SLC17A5: variants seen among roughly 807,000 people sequenced by gnomAD.
SLC17A5 encodes the protein solute carrier family 17 member 5.
SLC17A5 carries 47 observed loss-of-function variants against 59.4 expected under a neutral mutation model. The observed-to-expected ratio is 0.79, with a 90% CI of 0.63 to 1.01. SLC17A5 has a LOEUF of 1.01. SLC17A5 is among the 50% of genes least tolerant of loss of function. SLC17A5 has a pLI of 0.00. For synonymous variants in SLC17A5, 202 were observed against 210.7 expected, an observed-to-expected ratio of 0.96 and a Z score of 0.36; for missense variants, 522 against 595.5, an observed-to-expected ratio of 0.88 and a Z score of 1.28.
chr6:73,627,361 G>A (rs559439719), intron 6 of SLC17A5, among the ~76,000 whole-genome samples: 5 of 152,084 alleles, frequency 3.3e-5, no homozygotes, highest in South Asian at 4.2e-4. Flanking sequence ...AGGTGTGAGC[G>A]ACCGTGCCTG....
intron 8 of SLC17A5, 98 bp downstream of exon 8, chr6:73,615,217 G>A: frequency 7.5e-7 from 1 of 1,325,398 alleles, no homozygotes; most frequent in East Asian, 2.3e-5. Flanking sequence ...TGTTAACTGT[G>A]TGTAAAAGTG....
rs548140079 is a variant in SLC17A5 at position 73,652,922 on chromosome 6, G to C, written c.94+871C>G. 218 of 464,338 alleles carry C rather than the reference G, an allele frequency of 4.7e-4. 3 individuals carry two copies. The highest frequency in any genetic ancestry group is 4.4e-3 in the African/African-American group (207 of 47,188). The allele number at this position is 464,338 out of a possible 1,614,324, so 28.8% of individuals were successfully genotyped here. On this transcript the variant is annotated intron_variant, in intron 1 of 10. Coordinates refer to ENST00000355773, the MANE Select transcript of SLC17A5 (RefSeq NM_012434.5). The stretch of plus-strand genomic sequence containing the variant: ...TGCATTCAAACTGATTTGTTCTTTA[G>C]TTTTCGTTACTTTTAAATAAACTAT...
At chr6:73,615,193 T>G (rs1270768372) in intron 8 of SLC17A5, 122 bp downstream of exon 8, 1 of 1,114,458 alleles carries the variant, frequency 9.0e-7, no homozygotes, top group African/African-American at 1.5e-5. Flanking sequence ...CGAGGTGTTC[T>G]GTGTTGAGTA....
At chr6:73,644,378 A>G in intron 2 of SLC17A5, 29 bp downstream of exon 2, 1 of 1,558,804 alleles carries the variant, frequency 6.4e-7, no homozygotes, top group Non-Finnish European at 8.8e-7. Context: ...AGGATAATTA[A>G]AATTGTTTCC....
At chr6:73,596,250 G>C (rs144578132) in intron 10 of SLC17A5, among the ~76,000 whole-genome samples, 2 of 152,106 alleles carry the variant, frequency 1.3e-5, no homozygotes, top group Non-Finnish European at 2.9e-5. Context: ...GCCTGTGCAC[G>C]GTCTCCTGGG....
Position 73,648,017 on chromosome 6 carries a change from C to T in SLC17A5, c.95-3414G>A, listed in dbSNP as rs183118551. ...CTGGGAGGTGGAGGTTGCAGTGAGCCGAGATCACGCCATCGCACTCCAGCC... is the reference window on the plus strand; with the variant it reads ...CTGGGAGGTGGAGGTTGCAGTGAGCTGAGATCACGCCATCGCACTCCAGCC... On this transcript the variant is annotated intron_variant, in intron 1 of 10. Coordinates refer to ENST00000355773, the MANE Select transcript of SLC17A5 (RefSeq NM_012434.5). Among the ~76,000 whole-genome samples, 4 of 151,864 alleles carry T rather than the reference C, an allele frequency of 2.6e-5. No individual in the cohort carries two copies. In the South Asian group the frequency reaches 6.2e-4, roughly 24 times the overall value.
At chr6:73,615,882 T>TTTTTG (rs201213805) in intron 7 of SLC17A5, among the ~76,000 whole-genome samples, 5,642 of 121,892 alleles carry the variant, frequency 0.046, 230 homozygotes, top group Admixed American at 0.12. Context: ...GAATCATTCT[T>TTTTTG]TTTTTTTTTT....
At chr6:73,630,359 C>T (rs967385609) in intron 6 of SLC17A5, among the ~76,000 whole-genome samples, 4 of 152,114 alleles carry the variant, frequency 2.6e-5, no homozygotes, top group Admixed American at 2.6e-4. Flanking sequence ...TTGTAAAATC[C>T]ACTTATTGTA....
At chr6:73,618,183 C>T (rs567226671) in intron 7 of SLC17A5, among the ~76,000 whole-genome samples, 66 of 150,424 alleles carry the variant, frequency 4.4e-4, no homozygotes, top group African/African-American at 1.4e-3. Flanking sequence ...GAGCTGAGGT[C>T]GTACCACTGA....
At chr6:73,602,283 C>A (rs564353256) in intron 9 of SLC17A5, among the ~76,000 whole-genome samples, 2 of 147,234 alleles carry the variant, frequency 1.4e-5, no homozygotes, top group Admixed American at 6.8e-5. Context: ...TCTCAAGTAC[C>A]CAGGGACACA....
chr6:73,635,911 T>G (rs1768971244), intron 5 of SLC17A5, among the ~76,000 whole-genome samples: 1 of 152,032 alleles, frequency 6.6e-6, no homozygotes, highest in Non-Finnish European at 1.5e-5. Flanking sequence ...TGGCTAATTT[T>G]TGTATTTTGA....
At chr6:73,632,291 C>CAAAA (rs71000140) in intron 6 of SLC17A5, among the ~76,000 whole-genome samples, 13 of 63,702 alleles carry the variant, frequency 2.0e-4, no homozygotes, top group African/African-American at 5.4e-4. Context: ...GAGCTAGACT[C>CAAAA]AAAAAAAAAA....
chr6:73,653,803 C>T lies in SLC17A5; in HGVS notation c.84G>A (p.Arg28=). ...DRTPLLPGAP[R]AEAAPVCCSA... ...GACCCCGCCGCTTACCGGCTTCGGC[C>T]CGTGGGGCGCCCGGTAGAAGAGGCG... The change falls in exon 1 of 11, where the codon CGG becomes CGA. Residue 28 remains arginine (R), a synonymous_variant. Coordinates refer to ENST00000355773, the MANE Select transcript of SLC17A5 (RefSeq NM_012434.5). The T allele has an allele frequency of 6.3e-7, 1 of 1,593,086 alleles. No individual in the cohort carries two copies. Among genetic ancestry groups the T allele is most frequent in the East Asian group, 2.3e-5 (1 of 43,730 alleles).
At chr6:73,623,993 G>A (rs1483493556) in intron 6 of SLC17A5, among the ~76,000 whole-genome samples, 1 of 151,918 alleles carries the variant, frequency 6.6e-6, no homozygotes, top group Non-Finnish European at 1.5e-5. Flanking sequence ...CACCGTACCC[G>A]GCTGAGCTGC....
Position 73,641,691 on chromosome 6 carries a change from C to T in SLC17A5, c.525G>A (p.Glu175=). ...IVLRALEGLG[E]GVTFPAMHAM... ...AAAACAAGAGAGAAAAGAAAATTAC[C>T]TCTCCTAGTCCTTCTAGTGCTCTGA... The change falls in exon 3 of 11, where the codon GAG becomes GAA. Residue 175 remains glutamate (E), a splice_region_variant and synonymous_variant. Transcript: ENST00000355773. 2 of 1,588,380 alleles carry T rather than the reference C, an allele frequency of 1.3e-6. No individual in the cohort carries two copies. The highest frequency in any genetic ancestry group is 1.7e-6 in the Non-Finnish European group (2 of 1,164,008).
chr6:73,644,923 A>C (rs1311544876), intron 1 of SLC17A5, among the ~76,000 whole-genome samples: 7 of 152,226 alleles, frequency 4.6e-5, no homozygotes, highest in Admixed American at 3.9e-4. Flanking sequence ...GCTGTTTCTC[A>C]TATCTGTAGT....
Position 73,642,004 on chromosome 6 carries a change from C to T in SLC17A5, c.292-80G>A. The T allele has an allele frequency of 3.3e-6, 4 of 1,228,074 alleles. No individual in the cohort carries two copies. In the East Asian group the frequency reaches 9.3e-5, roughly 29 times the overall value. 76.1% of individuals were successfully genotyped at this position (1,228,074 alleles called of 1,614,324 possible). A position where few individuals can be genotyped will look rare whatever the true frequency, so the allele number is the denominator to read the frequency against. On this transcript the variant is annotated intron_variant, in intron 2 of 10. Transcript: ENST00000355773. The stretch of plus-strand genomic sequence containing the variant: ...CTTTTCTCTTACTGGCATGTAAGTA[C>T]ATATAAATGAGATTTTGAACCACTA...
chr6:73,601,815 G>C (rs1307097140), intron 9 of SLC17A5, among the ~76,000 whole-genome samples: 8 of 145,216 alleles, frequency 5.5e-5, no homozygotes, highest in Non-Finnish European at 9.2e-5. Context: ...GGAGGGAGGT[G>C]GGGGGGTCAG....
intron 1 of SLC17A5, among the ~76,000 whole-genome samples, chr6:73,651,160 T>A (rs1236890204): frequency 6.6e-6 from 1 of 152,096 alleles, no homozygotes; most frequent in Non-Finnish European, 1.5e-5. Flanking sequence ...TTGAACACAC[T>A]ATAAAAAATT....
Sources: gnomAD v4.1 joint callset for allele counts (sites outside exome capture counted in the v4.1 genomes callset) on GRCh38, gnomAD v4.1.1 for gene constraint, MANE v1.5 for transcripts, NCBI Gene and HGNC (gene_info 2026-07-23, HGNC 2026-07-21) for gene names.